The following KCNMA1 variants were observed in gnomAD, a reference collection of about 807,000 sequenced individuals.
KCNMA1 encodes potassium calcium-activated channel subfamily M alpha 1.
A neutral mutation model predicts 140.0 loss-of-function variants in KCNMA1; 29 were observed. That is an observed-to-expected ratio of 0.21 (90% CI 0.15 to 0.28). KCNMA1 has a LOEUF of 0.28. Among genes scored for constraint, KCNMA1 ranks in the 10% least tolerant of loss-of-function variants. KCNMA1 has a pLI of 1.00. For synonymous variants in KCNMA1, 612 were observed against 611.9 expected (o/e 1.00, Z 0.00); for missense variants, 880 against 1,602.2 (o/e 0.55, Z 7.70).
At chr10:76,942,595 G>T (rs117310278) in intron 23 of KCNMA1, among the ~76,000 whole-genome samples, 1 of 152,186 alleles carries the variant, frequency 6.6e-6, no homozygotes, top group East Asian at 1.9e-4. Flanking sequence ...TGGAAGAATT[G>T]TTACCAGTTT....
intron 25 of KCNMA1, among the ~76,000 whole-genome samples, chr10:76,905,479 G>A (rs541189425): frequency 3.3e-5 from 5 of 152,252 alleles, no homozygotes; most frequent in African/African-American, 7.2e-5. Flanking sequence ...TATTGTACTC[G>A]GAATACTCAG....
At chr10:77,510,994 C>T (rs74575886) in intron 1 of KCNMA1, among the ~76,000 whole-genome samples, 23,059 of 152,186 alleles carry the variant, frequency 0.15, 2,053 homozygotes, top group Middle Eastern at 0.25. Context: ...ACTCCTCATC[C>T]GACCTGAAAC....
chr10:77,087,785 G>C (rs1338048367), intron 10 of KCNMA1, among the ~76,000 whole-genome samples: 1 of 152,126 alleles, frequency 6.6e-6, no homozygotes, highest in Non-Finnish European at 1.5e-5. Flanking sequence ...ATGATATTTA[G>C]TTAGAACCTA....
At chr10:76,945,729 T>A (rs1339713507) in intron 22 of KCNMA1, among the ~76,000 whole-genome samples, 2 of 152,058 alleles carry the variant, frequency 1.3e-5, no homozygotes, top group Non-Finnish European at 2.9e-5. Context: ...CAGGCATTGG[T>A]TTAGAAGCCT....
At chr10:77,387,607 C>CTTTTCTTTCT (rs1555271431) in intron 2 of KCNMA1, among the ~76,000 whole-genome samples, 2 of 114,240 alleles carry the variant, frequency 1.8e-5, no homozygotes, top group Non-Finnish European at 3.7e-5. Flanking sequence ...CTTTTCTTTT[C>CTTTTCTTTCT]TTTCTTTTCT....
At chr10:77,025,781 A>T (rs557278376) in intron 16 of KCNMA1, among the ~76,000 whole-genome samples, 32 of 152,068 alleles carry the variant, frequency 2.1e-4, no homozygotes, top group African/African-American at 6.8e-4. Flanking sequence ...GGAAGATTTT[A>T]AAAAATGTGT....
At chr10:77,248,409 C>A (rs1022389709) in intron 3 of KCNMA1, among the ~76,000 whole-genome samples, 5 of 152,138 alleles carry the variant, frequency 3.3e-5, no homozygotes, top group African/African-American at 1.2e-4. Context: ...AGCCATTTCA[C>A]GCATGTCTGT....
chr10:77,044,204 C>G (rs1223256321), intron 14 of KCNMA1, among the ~76,000 whole-genome samples: 4 of 152,182 alleles, frequency 2.6e-5, no homozygotes, highest in African/African-American at 9.7e-5. Context: ...AACAGAACTT[C>G]AGTCTTTATA....
At chr10:77,166,655 A>T (rs906069262) in intron 5 of KCNMA1, among the ~76,000 whole-genome samples, 2 of 151,766 alleles carry the variant, frequency 1.3e-5, no homozygotes, top group Admixed American at 6.6e-5. Flanking sequence ...GAGAAGGAGG[A>T]AGAGGATGAA....
chr10:77,637,400 G>T lies in KCNMA1; in HGVS notation c.243C>A (p.Ser81Arg). ...AAGCCCACCACATGCGTTGGCCCCGGCTGTCGCACGGCACCTCCATGGTCA... is the reference window on the plus strand; with the variant it reads ...AAGCCCACCACATGCGTTGGCCCCGTCTGTCGCACGGCACCTCCATGGTCA... ...IPVTMEVPCDSRGQRMWWAFL... is the reference protein window; with the variant it reads ...IPVTMEVPCDRRGQRMWWAFL... Residue 81 changes from serine (S) to arginine (R), a missense_variant, in exon 1 of 28, where the codon AGC becomes AGA. Physicochemically the swap from Ser to Arg is moderately radical, Grantham distance 110. Around this residue, in one of 13 missense-constraint regions of KCNMA1, gnomAD observed 31 missense variants for 75.0 expected, o/e 0.41. Coordinates refer to ENST00000286628, the MANE Select transcript of KCNMA1 (RefSeq NM_001161352.2). 1 of 1,613,882 alleles carries T rather than the reference G, an allele frequency of 6.2e-7. No individual in the cohort carries two copies.
chr10:77,067,389 C>T (rs2095995351), intron 14 of KCNMA1, among the ~76,000 whole-genome samples: 1 of 152,118 alleles, frequency 6.6e-6, no homozygotes, highest in African/African-American at 2.4e-5. Context: ...GAGACTATAC[C>T]ATCTTCTTTC....
At chr10:77,321,518 A>C (rs191874123) in intron 2 of KCNMA1, among the ~76,000 whole-genome samples, 2 of 152,336 alleles carry the variant, frequency 1.3e-5, no homozygotes, top group Admixed American at 1.3e-4. Context: ...ATTAATTCTC[A>C]GCTTGCTTTG....
chr10:77,573,608 A>AAATAG lies in KCNMA1; in HGVS notation c.378+63656_378+63657insCTATT, dbSNP rs1450988581. Among the ~76,000 whole-genome samples, 268 of 57,858 alleles carry AAATAG rather than the reference A, an allele frequency of 4.6e-3. 23 individuals carry two copies. Among genetic ancestry groups the AAATAG allele is most frequent in the East Asian group, 0.018 (37 of 2,004 alleles). The allele number at this position is 57,858 out of a possible 152,430, so 38.0% of individuals were successfully genotyped here. ...GGTTATAAGCAATTATTTTTTAAGAAAATGGAATGGAATGGAATGGAATGG... is the reference window on the plus strand; with the variant it reads ...GGTTATAAGCAATTATTTTTTAAGAAAATAGAATGGAATGGAATGGAATGGAATGG... On this transcript the variant is annotated intron_variant, in intron 1 of 27. Transcript: ENST00000286628.
At chr10:77,612,609 C>T (rs1357511046) in intron 1 of KCNMA1, among the ~76,000 whole-genome samples, 1 of 152,192 alleles carries the variant, frequency 6.6e-6, no homozygotes, top group Non-Finnish European at 1.5e-5. Context: ...GCTGCACAGG[C>T]GCATACATTG....
At chr10:77,554,969 G>C (rs550250205) in intron 1 of KCNMA1, among the ~76,000 whole-genome samples, 16 of 152,110 alleles carry the variant, frequency 1.1e-4, no homozygotes, top group Admixed American at 3.3e-4. Flanking sequence ...CTCATAATAT[G>C]AAAGTGACTT....
intron 3 of KCNMA1, among the ~76,000 whole-genome samples, chr10:77,248,496 C>T (rs2059052104): frequency 6.6e-6 from 1 of 152,186 alleles, no homozygotes; most frequent in Non-Finnish European, 1.5e-5. Flanking sequence ...ATACTAGCTA[C>T]AATTCATCTG....
intron 3 of KCNMA1, among the ~76,000 whole-genome samples, chr10:77,238,333 G>C (rs1318768920): frequency 6.6e-6 from 1 of 152,172 alleles, no homozygotes; most frequent in Non-Finnish European, 1.5e-5. Flanking sequence ...GTCTCGGGTG[G>C]AATGATTTTG....
chr10:77,112,916 T>C (rs781503030), intron 6 of KCNMA1, among the ~76,000 whole-genome samples: 2 of 152,110 alleles, frequency 1.3e-5, no homozygotes, highest in South Asian at 2.1e-4. Context: ...CTAAATACTT[T>C]AGCACCCAAC....
chr10:77,266,451 A>G lies in KCNMA1; in HGVS notation c.541-15195T>C, dbSNP rs1199396471. Among the ~76,000 whole-genome samples, 3 of 152,168 alleles carry G rather than the reference A, an allele frequency of 2.0e-5. No homozygotes were observed. The East Asian group carries it at 5.8e-4, about 29-fold the overall frequency. ...CTCTTGTGTGCTCTGTGCCAGCCAAACTTCGTAAGAATGCTGGCCAGCTTG... is the reference window on the plus strand; with the variant it reads ...CTCTTGTGTGCTCTGTGCCAGCCAAGCTTCGTAAGAATGCTGGCCAGCTTG... On this transcript the variant is annotated intron_variant, in intron 2 of 27. Transcript: ENST00000286628.
Sources: allele counts gnomAD v4.1 joint callset (sites outside exome capture counted in the v4.1 genomes callset), GRCh38; gene constraint gnomAD v4.1.1; regional missense constraint gnomAD v4.1.1; transcripts MANE v1.5; gene names NCBI Gene and HGNC (gene_info 2026-07-23, HGNC 2026-07-21).